RBFOX1: variants seen among roughly 807,000 people sequenced by gnomAD.
RBFOX1 encodes RNA binding fox-1 homolog 1, also known as RNA binding protein fox-1 homolog 1.
A neutral mutation model predicts 57.7 loss-of-function variants in RBFOX1; 8 were observed. The observed-to-expected ratio is 0.14, with a 90% CI of 0.08 to 0.25. RBFOX1 has a LOEUF of 0.25. Ranked by LOEUF, RBFOX1 falls within the 10% of genes least tolerant of loss-of-function variation. The pLI is 1.00. For synonymous variants in RBFOX1, 326 were observed against 222.4 expected (o/e 1.47, Z -4.15); for missense variants, 611 against 548.5 (o/e 1.11, Z -1.14).
chr16:5,586,537 T>C (rs903404908), intron 2 of RBFOX1, among the ~76,000 whole-genome samples: 10 of 152,306 alleles, frequency 6.6e-5, no homozygotes, highest in Admixed American at 6.5e-4. Context: ...TCACTCTGTC[T>C]CCCAGGCTGG....
At position 5,498,290 on chromosome 16, in the gene RBFOX1, G is replaced by A. The variant is rs541105042; in HGVS notation, c.258+31036G>A. ...CTCAACGAACTGGGATTACAAGCATGCACTACCACGCCCAGCTAATATTTT... is the reference window on the plus strand; with the variant it reads ...CTCAACGAACTGGGATTACAAGCATACACTACCACGCCCAGCTAATATTTT... On this transcript the variant is annotated intron_variant, in intron 2 of 2. Transcript: ENST00000585867. 4.1e-4 allele frequency among the ~76,000 whole-genome samples: 62 copies of A among 152,178 alleles called. 1 individual carries two copies. The highest frequency in any genetic ancestry group is 1.5e-3 in the African/African-American group (62 of 41,512).
At chr16:6,415,242 C>CAAA (rs57296761) in intron 2 of RBFOX1, among the ~76,000 whole-genome samples, 84 of 101,926 alleles carry the variant, frequency 8.2e-4, no homozygotes, top group African/African-American at 1.6e-3. Flanking sequence ...AACTCTGTCA[C>CAAA]AAAAAAAAAA....
intron 2 of RBFOX1, among the ~76,000 whole-genome samples, chr16:6,331,771 T>A (rs78950590): frequency 0.023 from 3,490 of 149,314 alleles, 117 homozygotes; most frequent in African/African-American, 0.079. Flanking sequence ...CACCTTTTTT[T>A]AAAAAAAAAA....
chr16:5,609,963 A>C (rs1051817460), intron 3 of RBFOX1, among the ~76,000 whole-genome samples: 2 of 152,154 alleles, frequency 1.3e-5, no homozygotes, highest in South Asian at 2.1e-4. Flanking sequence ...CTTCTCTGCA[A>C]CGTTTTCCTT....
intron 2 of RBFOX1, among the ~76,000 whole-genome samples, chr16:6,602,992 C>G (rs964936428): frequency 4.6e-5 from 7 of 152,138 alleles, no homozygotes; most frequent in Non-Finnish European, 1.5e-5. Context: ...ATCATCAGTG[C>G]ACCCAAGGAA....
At chr16:6,213,658 A>C (rs560735590) in intron 1 of RBFOX1, among the ~76,000 whole-genome samples, 25 of 152,330 alleles carry the variant, frequency 1.6e-4, no homozygotes, top group Middle Eastern at 6.8e-3. Flanking sequence ...ATTTCAATGT[A>C]ATAAAGAGAA....
At chr16:5,939,931 C>T (rs757125158) in intron 4 of RBFOX1, among the ~76,000 whole-genome samples, 1 of 152,204 alleles carries the variant, frequency 6.6e-6, no homozygotes, top group Non-Finnish European at 1.5e-5. Context: ...AGAATCTTGA[C>T]TCTAGAGCCT....
intron 3 of RBFOX1, among the ~76,000 whole-genome samples, chr16:7,023,319 G>A (rs2039861226): frequency 6.6e-6 from 1 of 151,930 alleles, no homozygotes; most frequent in Middle Eastern, 3.4e-3. Flanking sequence ...AGTTAGCTGG[G>A]AGTGGTGGTG....
At chr16:6,239,449 A>G (rs1179916546) in intron 1 of RBFOX1, among the ~76,000 whole-genome samples, 1 of 139,208 alleles carries the variant, frequency 7.2e-6, no homozygotes, top group Non-Finnish European at 1.5e-5. Context: ...ATGGAGTCCC[A>G]CCTGTTAAGA....
intron 2 of RBFOX1, among the ~76,000 whole-genome samples, chr16:6,542,609 C>A (rs1290398529): frequency 6.7e-6 from 1 of 150,116 alleles, no homozygotes; most frequent in Non-Finnish European, 1.5e-5. Context: ...CCTGCCTCAG[C>A]CTGGCAAGTA....
intron 4 of RBFOX1, among the ~76,000 whole-genome samples, chr16:7,464,458 A>G (rs1567308686): frequency 6.6e-6 from 1 of 151,780 alleles, no homozygotes; most frequent in East Asian, 1.9e-4. Context: ...GATCAGGAGG[A>G]TTTAGAAAGT....
chr16:5,743,496 T>C (rs1291595586), intron 3 of RBFOX1, among the ~76,000 whole-genome samples: 1 of 152,204 alleles, frequency 6.6e-6, no homozygotes, highest in African/African-American at 2.4e-5. Context: ...ATTGGCTACA[T>C]GTAGTCACTC....
chr16:7,243,851 C>G (rs968058067), intron 4 of RBFOX1, among the ~76,000 whole-genome samples: 18 of 152,114 alleles, frequency 1.2e-4, no homozygotes, highest in Admixed American at 2.0e-4. Context: ...CATCCTACCC[C>G]TTATTCTTTG....
chr16:5,933,173 G>C (rs1246661326), intron 4 of RBFOX1, among the ~76,000 whole-genome samples: 1 of 152,162 alleles, frequency 6.6e-6, no homozygotes, highest in Non-Finnish European at 1.5e-5. Context: ...AATTTCCTTA[G>C]CACGTTTGCA....
At chr16:6,343,832 G>A (rs943386223) in intron 2 of RBFOX1, among the ~76,000 whole-genome samples, 2 of 152,084 alleles carry the variant, frequency 1.3e-5, no homozygotes, top group Non-Finnish European at 2.9e-5. Context: ...TTTGGATTAA[G>A]GATTACTATG....
chr16:6,508,562 A>G (rs531085360), intron 2 of RBFOX1, among the ~76,000 whole-genome samples: 1 of 152,176 alleles, frequency 6.6e-6, no homozygotes, highest in African/African-American at 2.4e-5. Context: ...ACTGTTGTCT[A>G]TAAGGTCCCG....
At chr16:5,381,335 A>G (rs1397029373) in intron 1 of RBFOX1, among the ~76,000 whole-genome samples, 1 of 152,226 alleles carries the variant, frequency 6.6e-6, no homozygotes, top group Admixed American at 6.5e-5. Context: ...AATACAAATA[A>G]TTAATATTTA....
At chr16:6,389,682 A>G (rs974588044) in intron 2 of RBFOX1, among the ~76,000 whole-genome samples, 17 of 152,294 alleles carry the variant, frequency 1.1e-4, no homozygotes, top group African/African-American at 4.1e-4. Context: ...GGTTTTTCTC[A>G]GTGCTAATCA....
At chr16:7,521,308 A>T (rs945503086) in intron 5 of RBFOX1, among the ~76,000 whole-genome samples, 23 of 152,208 alleles carry the variant, frequency 1.5e-4, no homozygotes, top group Admixed American at 1.0e-3. Flanking sequence ...ATTAGCAGGG[A>T]TTTGACATCC....
Sources: gnomAD v4.1 joint callset for allele counts (sites outside exome capture counted in the v4.1 genomes callset) on GRCh38, gnomAD v4.1.1 for gene constraint, MANE v1.5 for transcripts, NCBI Gene and HGNC (gene_info 2026-07-23, HGNC 2026-07-21) for gene names.